The following TOM1L2 variants were observed in gnomAD, a reference collection of about 807,000 sequenced individuals.
The protein encoded by TOM1L2 is target of myb1 like 2 membrane trafficking protein.
A neutral mutation model predicts 67.9 loss-of-function variants in TOM1L2; 31 were observed. The ratio of observed to expected loss-of-function variants is 0.46; its 90% CI spans 0.34 to 0.62. The LOEUF (loss-of-function observed/expected upper bound fraction) is 0.62. Ranked by LOEUF, TOM1L2 falls within the 20% of genes least tolerant of loss-of-function variation. The probability of loss-of-function intolerance (pLI) is 0.01; values close to 1 mark genes in which losing one functional copy is unlikely to be tolerated. For missense variants in TOM1L2, 606 were observed against 663.5 expected, an observed-to-expected ratio of 0.91 and a Z score of 0.95; for synonymous variants, 256 against 254.0, an observed-to-expected ratio of 1.01 and a Z score of -0.07.
At chr17:17,936,140 C>T (rs2040506834) in intron 1 of TOM1L2, among the ~76,000 whole-genome samples, 1 of 152,242 alleles carries the variant, frequency 6.6e-6, no homozygotes, top group South Asian at 2.1e-4. Flanking sequence ...CTCTCTCCAC[C>T]CTCCCTTCGG....
At chr17:17,953,161 T>G (rs1195960252) in intron 1 of TOM1L2, among the ~76,000 whole-genome samples, 1 of 152,046 alleles carries the variant, frequency 6.6e-6, no homozygotes, top group Non-Finnish European at 1.5e-5. Context: ...ACACCTGTAA[T>G]CCCAGCTACT....
chr17:17,956,811 C>G (rs561843980), intron 1 of TOM1L2, among the ~76,000 whole-genome samples: 11 of 152,332 alleles, frequency 7.2e-5, no homozygotes, highest in African/African-American at 2.6e-4. Context: ...CGCGCTGGCC[C>G]GCAAGCGCCA....
At chr17:17,868,988 G>T in intron 8 of TOM1L2, 1 of 186,678 alleles carries the variant, frequency 5.4e-6, no homozygotes, top group Non-Finnish European at 1.1e-5. Context: ...AAATTCAAAG[G>T]ATCATCAAAG....
At position 17,845,021 on chromosome 17, in the gene TOM1L2, G is replaced by A. The variant is rs1217030988; in HGVS notation, c.*2614C>T. On this transcript the variant is annotated 3_prime_UTR_variant, in exon 15 of 15. Transcript: ENST00000379504. ...CCCTTCCTGGACCAGGCAGCCTAAGGACTGTGCTCCCCAGATGGTGGGGTC... is the reference window on the plus strand; with the variant it reads ...CCCTTCCTGGACCAGGCAGCCTAAGAACTGTGCTCCCCAGATGGTGGGGTC... The A allele has an allele frequency of 1.3e-5, 2 of 152,440 alleles. No homozygotes were observed. The highest frequency in any genetic ancestry group is 2.9e-5 in the Non-Finnish European group (2 of 68,068). The allele number at this position is 152,440 out of a possible 1,614,324, so 9.4% of individuals were successfully genotyped here.
At chr17:17,951,706 C>T (rs569604890) in intron 1 of TOM1L2, among the ~76,000 whole-genome samples, 5 of 152,320 alleles carry the variant, frequency 3.3e-5, no homozygotes, top group Admixed American at 6.5e-5. Context: ...TGGGCAGCTC[C>T]ACCAGCAGGC....
chr17:17,900,191 C>T (rs1002211556), intron 2 of TOM1L2, among the ~76,000 whole-genome samples: 9 of 148,464 alleles, frequency 6.1e-5, no homozygotes, highest in African/African-American at 2.0e-4. Flanking sequence ...CCAGCCTGGG[C>T]GACAAGAGTG....
At position 17,879,758 on chromosome 17, in the gene TOM1L2, GAGGAAGGAAAGC is replaced by G. The variant is rs770178685; in HGVS notation, c.661-27_661-16del. 5 of 1,604,958 alleles carry G rather than the reference GAGGAAGGAAAGC, an allele frequency of 3.1e-6. No homozygotes were observed. In the South Asian group the frequency reaches 4.4e-5, roughly 14 times the overall value. ...AGCCTGGCAATCTGGTGGGGGCCAC[GAGGAAGGAAAGC>G]AGGAAGGAAAGGTCAGTCAGCCTGC... On this transcript the variant is annotated splice_polypyrimidine_tract_variant and intron_variant, in intron 6 of 14. Transcript: ENST00000379504.
chr17:17,872,738 A>G (rs1299948199), intron 7 of TOM1L2, among the ~76,000 whole-genome samples: 1 of 152,212 alleles, frequency 6.6e-6, no homozygotes, highest in Non-Finnish European at 1.5e-5. Context: ...ATCTCTGATG[A>G]GCAAAAGGAT....
At chr17:17,914,799 C>T (rs958202222) in intron 1 of TOM1L2, among the ~76,000 whole-genome samples, 14 of 152,202 alleles carry the variant, frequency 9.2e-5, no homozygotes, top group African/African-American at 3.4e-4. Flanking sequence ...TTGGAGGCAC[C>T]TGGGTGGTCA....
At chr17:17,911,383 CAG>C (rs1393926268) in intron 1 of TOM1L2, among the ~76,000 whole-genome samples, 11 of 152,366 alleles carry the variant, frequency 7.2e-5, no homozygotes, top group Non-Finnish European at 1.6e-4. Flanking sequence ...AGCATATCAC[CAG>C]AGAGGTCAGC....
At chr17:17,887,189 A>G (rs1433515260) in intron 4 of TOM1L2, among the ~76,000 whole-genome samples, 1 of 152,224 alleles carries the variant, frequency 6.6e-6, no homozygotes, top group Non-Finnish European at 1.5e-5. Context: ...ATTTGCGATC[A>G]AGTAGTCTTG....
intron 10 of TOM1L2, among the ~76,000 whole-genome samples, chr17:17,865,501 T>C (rs2036796190): frequency 6.6e-6 from 1 of 150,484 alleles, no homozygotes; most frequent in Non-Finnish European, 1.5e-5. Flanking sequence ...TTCAGCCTCC[T>C]GAGTAGCTGG....
At position 17,866,928 on chromosome 17, in the gene TOM1L2, A is replaced by T. The variant is rs2036880084; in HGVS notation, c.912-4T>A. The T allele has an allele frequency of 6.2e-7, 1 of 1,613,796 alleles. No individual in the cohort carries two copies. The highest frequency in any genetic ancestry group is 1.3e-5 in the African/African-American group (1 of 74,918). On this transcript the variant is annotated splice_polypyrimidine_tract_variant and splice_region_variant and intron_variant, in intron 8 of 14. Coordinates refer to ENST00000379504, the MANE Select transcript of TOM1L2 (RefSeq NM_001082968.2). ...GCCAGACCTGTATCGTTCGAACCTA[A>T]CAGGGGAAGGGAAAGCAGAAGTAAG...
At chr17:17,854,274 C>A (rs577883714) in intron 12 of TOM1L2, among the ~76,000 whole-genome samples, 2 of 152,204 alleles carry the variant, frequency 1.3e-5, no homozygotes, top group East Asian at 3.9e-4. Flanking sequence ...CTGTGGGAGG[C>A]CGAGGACGCG....
At chr17:17,860,727 ATTTC>A (rs763977896) in intron 12 of TOM1L2, among the ~76,000 whole-genome samples, 1 of 152,238 alleles carries the variant, frequency 6.6e-6, no homozygotes, top group African/African-American at 2.4e-5. Context: ...ATTCATACAC[ATTTC>A]TTTGTTAGGC....
chr17:17,956,794 C>CAG (rs1302443301), intron 1 of TOM1L2, among the ~76,000 whole-genome samples: 1 of 152,238 alleles, frequency 6.6e-6, no homozygotes, highest in Non-Finnish European at 1.5e-5. Context: ...CACGCCCACC[C>CAG]AGAACTCGCG....
At chr17:17,875,169 A>C (rs111240440) in intron 7 of TOM1L2, among the ~76,000 whole-genome samples, 6 of 152,160 alleles carry the variant, frequency 3.9e-5, no homozygotes, top group African/African-American at 1.2e-4. Context: ...AAGCAGGAGA[A>C]TCACTTGAAC....
chr17:17,907,499 C>T lies in TOM1L2; in HGVS notation c.85G>A (p.Asp29Asn), dbSNP rs2039151688. 3.1e-6 allele frequency: 5 copies of T among 1,614,070 alleles called. No homozygotes were observed. Among genetic ancestry groups the T allele is most frequent in the Non-Finnish European group, 4.2e-6 (5 of 1,179,964 alleles). ...CAGATCTCCATATTCAACGTCCAAT[C>T]CTCACTTTGCAGGGAGCCATCTGTT... ...KATDGSLQSE[D>N]WTLNMEICDI... Residue 29 changes from aspartate to asparagine, a missense_variant, in exon 2 of 15, where the codon GAT becomes AAT. Physicochemically the swap from Asp to Asn is conservative, Grantham distance 23. Around this residue, in one of 2 missense-constraint regions of TOM1L2, gnomAD observed 63 missense variants for 109.5 expected, o/e 0.58. Coordinates refer to ENST00000379504, the MANE Select transcript of TOM1L2 (RefSeq NM_001082968.2).
chr17:17,855,101 T>C lies in TOM1L2; in HGVS notation c.1279-4149A>G, dbSNP rs890679150. On this transcript the variant is annotated intron_variant, in intron 12 of 14. Transcript: ENST00000379504. The stretch of plus-strand genomic sequence containing the variant: ...CCCATTTTCAAAGTCCACAGACATC[T>C]TGGATGTCAGAAGCCACAGGTTTTG... Among the ~76,000 whole-genome samples, 5 of 152,188 alleles carry C rather than the reference T, an allele frequency of 3.3e-5. No homozygotes were observed. In the East Asian group the frequency reaches 5.8e-4, roughly 18 times the overall value.
Sources: gnomAD v4.1 joint callset for allele counts (sites outside exome capture counted in the v4.1 genomes callset) on GRCh38, gnomAD v4.1.1 for gene constraint, gnomAD v4.1.1 regional missense constraint, MANE v1.5 for transcripts, NCBI Gene and HGNC (gene_info 2026-07-23, HGNC 2026-07-21) for gene names.